The following GAL3ST1 variants were observed in gnomAD, a reference collection of about 807,000 sequenced individuals.
GAL3ST1 encodes the protein galactosylceramide sulfotransferase.
In GAL3ST1, 13 loss-of-function variants were observed where a neutral mutation model predicts 25.0. The observed-to-expected ratio is 0.52, with a 90% CI of 0.34 to 0.83. The LOEUF (loss-of-function observed/expected upper bound fraction) is 0.83. Among genes scored for constraint, GAL3ST1 ranks in the 40% least tolerant of loss-of-function variants. The pLI, the probability that GAL3ST1 is intolerant of heterozygous loss-of-function variation, is 0.02. For synonymous variants in GAL3ST1, 274 were observed against 277.8 expected, an observed-to-expected ratio of 0.99 and a Z score of 0.14; for missense variants, 474 against 613.6, an observed-to-expected ratio of 0.77 and a Z score of 2.40.
At chr22:30,560,825 T>A (rs1253779890) in intron 1 of GAL3ST1, 1 of 152,116 alleles carries the variant, frequency 6.6e-6, no homozygotes, top group Admixed American at 6.6e-5. Context: ...CCAGCCTCCC[T>A]GCCCCGCCAA....
chr22:30,562,863 T>A (rs2086483857), intron 1 of GAL3ST1, among the ~76,000 whole-genome samples: 1 of 152,162 alleles, frequency 6.6e-6, no homozygotes, highest in African/African-American at 2.4e-5. Context: ...CCCGGTGTAA[T>A]CCCAGCACTT....
At chr22:30,572,093 T>A (rs1045659233) in intron 1 of GAL3ST1, among the ~76,000 whole-genome samples, 2 of 152,194 alleles carry the variant, frequency 1.3e-5, no homozygotes, top group Non-Finnish European at 2.9e-5. Context: ...AGAGAAGCGC[T>A]AACTGGGGCG....
chr22:30,566,357 G>T (rs1448972321), intron 1 of GAL3ST1, among the ~76,000 whole-genome samples: 1 of 152,214 alleles, frequency 6.6e-6, no homozygotes, highest in Non-Finnish European at 1.5e-5. Context: ...TTCTGTGCTT[G>T]GGACCTGTCA....
intron 1 of GAL3ST1, among the ~76,000 whole-genome samples, chr22:30,567,717 CTT>C (rs1163408507): frequency 6.6e-6 from 1 of 151,936 alleles, no homozygotes; most frequent in Non-Finnish European, 1.5e-5. Context: ...GAGTTGCACT[CTT>C]GTCACCCATG....
chr22:30,560,680 TC>T (rs2086356135), intron 1 of GAL3ST1: 1 of 152,122 alleles, frequency 6.6e-6, no homozygotes, highest in Non-Finnish European at 1.5e-5. Context: ...GGATTAGGAT[TC>T]CTGTGGCTTG....
chr22:30,560,021 G>A (rs117389796), intron 1 of GAL3ST1, among the ~76,000 whole-genome samples: 3,140 of 152,254 alleles, frequency 0.021, 47 homozygotes, highest in Admixed American at 0.031. Context: ...CTATGCCCTG[G>A]AAAAGTTATG....
At chr22:30,565,237 G>A (rs772687971) in intron 1 of GAL3ST1, 2 of 152,326 alleles carry the variant, frequency 1.3e-5, no homozygotes, top group African/African-American at 4.8e-5. Flanking sequence ...GTGGGCTGGG[G>A]TGCCAGAGGG....
At chr22:30,557,605 T>G (rs961649507) in intron 2 of GAL3ST1, 1 of 509,954 alleles carries the variant, frequency 2.0e-6, no homozygotes, top group South Asian at 3.4e-5. Context: ...AGACGGTGGG[T>G]GAAGCAACTC....
rs140886907 is a variant in GAL3ST1, at chr22:30,567,151, C to G, written c.-120+7315G>C. On this transcript the variant is annotated intron_variant, in intron 1 of 3. Transcript: ENST00000406361. Reference sequence around the variant, plus strand: ...CTTTTTCAATGATAAAAGCAGTATACTGAAAAAAAAATTCAAACAATACAG... The same window carrying G: ...CTTTTTCAATGATAAAAGCAGTATAGTGAAAAAAAAATTCAAACAATACAG... Among the ~76,000 whole-genome samples the G allele has an allele frequency of 4.4e-4, 67 of 151,384 alleles. No individual in the cohort carries two copies. In the East Asian group the frequency reaches 0.012, roughly 27 times the overall value.
chr22:30,567,971 C>T (rs545742514), intron 1 of GAL3ST1, among the ~76,000 whole-genome samples: 1 of 152,334 alleles, frequency 6.6e-6, no homozygotes, highest in East Asian at 1.9e-4. Context: ...ACGTGAGCCA[C>T]CGCGCCCAGC....
chr22:30,572,919 C>T (rs1247349611), intron 1 of GAL3ST1: 1 of 152,232 alleles, frequency 6.6e-6, no homozygotes, highest in Non-Finnish European at 1.5e-5. Flanking sequence ...ACACCCAGTC[C>T]CTCAGAACAC....
At chr22:30,571,015 C>CAG (rs1491122455) in intron 1 of GAL3ST1, among the ~76,000 whole-genome samples, 1 of 149,938 alleles carries the variant, frequency 6.7e-6, no homozygotes, top group African/African-American at 2.5e-5. Flanking sequence ...CACACACACA[C>CAG]TCTTTACAAA....
chr22:30,566,245 T>G (rs1055641825), intron 1 of GAL3ST1: 1 of 152,294 alleles, frequency 6.6e-6, no homozygotes, highest in Admixed American at 6.5e-5. Context: ...TGAGCTGAGC[T>G]AGAATGAAGA....
At chr22:30,560,858 C>T (rs1157728970) in intron 1 of GAL3ST1, 1 of 152,338 alleles carries the variant, frequency 6.6e-6, no homozygotes, top group Non-Finnish European at 1.5e-5. Flanking sequence ...TGGCCCCGCC[C>T]AGGACAGTTC....
chr22:30,566,891 G>A (rs42936), intron 1 of GAL3ST1, among the ~76,000 whole-genome samples: 101,655 of 151,588 alleles, frequency 0.67, 34,165 homozygotes, highest in Middle Eastern at 0.72. Flanking sequence ...TTACAGGCGT[G>A]AGCCACCACG....
intron 1 of GAL3ST1, among the ~76,000 whole-genome samples, chr22:30,573,963 C>T (rs2086841687): frequency 6.6e-6 from 1 of 152,210 alleles, no homozygotes; most frequent in Non-Finnish European, 1.5e-5. Context: ...GGCTTTGCTT[C>T]CTCTGGGGTA....
chr22:30,569,815 G>A (rs918774426), intron 1 of GAL3ST1, among the ~76,000 whole-genome samples: 16 of 152,210 alleles, frequency 1.1e-4, no homozygotes, highest in East Asian at 1.9e-4. Context: ...AGCCGGGCAC[G>A]GTGGCGTGCG....
At chr22:30,559,744 A>G (rs575519470) in intron 1 of GAL3ST1, among the ~76,000 whole-genome samples, 22 of 152,274 alleles carry the variant, frequency 1.4e-4, no homozygotes, top group Non-Finnish European at 2.8e-4. Flanking sequence ...GGACTGAGAC[A>G]TGGACTGTAA....
At chr22:30,570,098 C>T (rs1242203293) in intron 1 of GAL3ST1, among the ~76,000 whole-genome samples, 3 of 152,130 alleles carry the variant, frequency 2.0e-5, no homozygotes, top group African/African-American at 7.2e-5. Flanking sequence ...AAAGAAACTC[C>T]AAGAAACAAA....
Sources: allele counts gnomAD v4.1 joint callset (sites outside exome capture counted in the v4.1 genomes callset), GRCh38; gene constraint gnomAD v4.1.1; transcripts MANE v1.5; gene names NCBI Gene and HGNC (gene_info 2026-07-23, HGNC 2026-07-21).